Variants in NFATC3 observed in about 807,000 individuals in gnomAD.
The protein encoded by NFATC3 is nuclear factor of activated T cells 3, also known as nuclear factor of activated T-cells, cytoplasmic 3.
NFATC3 carries 46 observed loss-of-function variants against 98.6 expected under a neutral mutation model. The observed-to-expected ratio is 0.47, with a 90% CI of 0.37 to 0.60. The LOEUF (loss-of-function observed/expected upper bound fraction) is 0.60, where lower values mean the gene tolerates loss of function less well. Among genes scored for constraint, NFATC3 ranks in the 20% least tolerant of loss-of-function variants. NFATC3 has a pLI of 0.00. For synonymous variants in NFATC3, 512 were observed against 472.2 expected, an observed-to-expected ratio of 1.08 and a Z score of -1.09; for missense variants, 1,256 against 1,295.5, an observed-to-expected ratio of 0.97 and a Z score of 0.47.
At chr16:68,215,722 C>CTTTTTTTTTTTTTT (rs35024337) in intron 9 of NFATC3, among the ~76,000 whole-genome samples, 11 of 96,038 alleles carry the variant, frequency 1.1e-4, no homozygotes, top group Non-Finnish European at 1.6e-4. Context: ...GAGATTTGCA[C>CTTTTTTTTTTTTTT]TTTTTTTTTT....
chr16:68,143,992 T>C (rs2037898926), intron 3 of NFATC3, among the ~76,000 whole-genome samples: 1 of 151,844 alleles, frequency 6.6e-6, no homozygotes, highest in African/African-American at 2.4e-5. Flanking sequence ...AGAAAAAAAT[T>C]GATAAATTGG....
chr16:68,124,247 G>T (rs886894694), intron 2 of NFATC3, among the ~76,000 whole-genome samples: 5 of 151,752 alleles, frequency 3.3e-5, no homozygotes, highest in Non-Finnish European at 7.4e-5. Flanking sequence ...GACTATAGGC[G>T]TATACCACCA....
intron 4 of NFATC3, among the ~76,000 whole-genome samples, chr16:68,163,317 G>A (rs1239271652): frequency 2.6e-5 from 4 of 151,450 alleles, no homozygotes; most frequent in South Asian, 2.1e-4. Flanking sequence ...GGGGCGGCCG[G>A]GCAGAGGCGC....
rs778238077 is a variant in NFATC3, at chr16:68,191,305, T to G, written c.2636T>G (p.Leu879Arg). ...CATTCTGTGCATACCCTGCCTCATCTGCAATCAATGGGATATCATTGTTCA... is the reference window on the plus strand; with the variant it reads ...CATTCTGTGCATACCCTGCCTCATCGGCAATCAATGGGATATCATTGTTCA... ...TPHSVHTLPHLQSMGYHCSNT... is the reference protein window; with the variant it reads ...TPHSVHTLPHRQSMGYHCSNT... The change falls in exon 9 of 10, where the codon CTG becomes CGG. Residue 879 changes from leucine (L) to arginine (R), a missense_variant. This residue lies in a region of NFATC3 where 636 missense variants were observed against 617.3 expected (regional missense o/e 1.03). Transcript: ENST00000346183. 6.2e-7 allele frequency: 1 copy of G among 1,614,116 alleles called. No homozygotes were observed. The highest frequency in any genetic ancestry group is 8.5e-7 in the Non-Finnish European group (1 of 1,180,052).
At chr16:68,170,488 G>A (rs1189982847) in intron 5 of NFATC3, among the ~76,000 whole-genome samples, 4 of 149,618 alleles carry the variant, frequency 2.7e-5, no homozygotes, top group Admixed American at 6.7e-5. Flanking sequence ...ACCTTTTCTG[G>A]CTGTTCTTTT....
chr16:68,134,894 A>G (rs894371403), intron 3 of NFATC3, among the ~76,000 whole-genome samples: 4 of 152,210 alleles, frequency 2.6e-5, no homozygotes, highest in Non-Finnish European at 5.9e-5. Context: ...AGTGTCTGCC[A>G]CTTGCATGTT....
At chr16:68,153,302 G>C (rs1018311953) in intron 3 of NFATC3, among the ~76,000 whole-genome samples, 4 of 152,162 alleles carry the variant, frequency 2.6e-5, no homozygotes, top group African/African-American at 7.2e-5. Context: ...CACACCTGTA[G>C]TCCCAGCTAC....
At chr16:68,206,408 C>G (rs887635023) in intron 9 of NFATC3, among the ~76,000 whole-genome samples, 6 of 152,162 alleles carry the variant, frequency 3.9e-5, no homozygotes, top group Non-Finnish European at 7.3e-5. Flanking sequence ...TCCTTCCCGT[C>G]CTCCCAGCCC....
intron 5 of NFATC3, among the ~76,000 whole-genome samples, chr16:68,168,471 TTTA>T (rs141377197): frequency 0.17 from 24,646 of 147,812 alleles, 2,248 homozygotes; most frequent in African/African-American, 0.23. Context: ...CTTGTATTCT[TTTA>T]TTATTATTAT....
chr16:68,100,667 T>C (rs2035294649), intron 1 of NFATC3, among the ~76,000 whole-genome samples: 1 of 151,854 alleles, frequency 6.6e-6, no homozygotes, highest in African/African-American at 2.4e-5. Flanking sequence ...TTTCTCTGCA[T>C]CTTGGGCAGC....
At chr16:68,223,972 C>T (rs926100034) in intron 9 of NFATC3, among the ~76,000 whole-genome samples, 1 of 150,456 alleles carries the variant, frequency 6.6e-6, no homozygotes, top group African/African-American at 2.4e-5. Context: ...ACTGGCCAGG[C>T]GCGGGGGCTC....
intron 9 of NFATC3, among the ~76,000 whole-genome samples, chr16:68,202,394 A>G (rs1264023455): frequency 1.3e-5 from 2 of 152,176 alleles, no homozygotes; most frequent in Non-Finnish European, 2.9e-5. Context: ...GATAAACACA[A>G]CATTCAGGTG....
chr16:68,101,249 T>C lies in NFATC3; in HGVS notation c.103+15465T>C, dbSNP rs2035338959. Reference sequence around the variant, plus strand: ...CATCAACCTCCTGGGCTCAAGCTATTCCTCCTGCCTGAGCCTCTGTAATAG... The same window carrying C: ...CATCAACCTCCTGGGCTCAAGCTATCCCTCCTGCCTGAGCCTCTGTAATAG... On this transcript the variant is annotated intron_variant, in intron 1 of 9. Coordinates refer to ENST00000346183, the MANE Select transcript of NFATC3 (RefSeq NM_173165.3). Among the ~76,000 whole-genome samples, 4 of 151,788 alleles carry C rather than the reference T, an allele frequency of 2.6e-5. No homozygotes were observed. In the South Asian group the frequency reaches 8.3e-4, roughly 32 times the overall value.
intron 1 of NFATC3, among the ~76,000 whole-genome samples, chr16:68,104,909 C>A (rs1260677826): frequency 6.6e-6 from 1 of 152,048 alleles, no homozygotes; most frequent in African/African-American, 2.4e-5. Context: ...CCCTCTTGGC[C>A]TCCCAAAATG....
At chr16:68,209,709 G>A (rs2041294267) in intron 9 of NFATC3, 1 of 460,924 alleles carries the variant, frequency 2.2e-6, no homozygotes, top group Non-Finnish European at 4.3e-6. Context: ...AGGGGGAATG[G>A]TTAGGTCTCT....
chr16:68,213,381 C>T (rs1404291001), intron 9 of NFATC3, among the ~76,000 whole-genome samples: 3 of 150,538 alleles, frequency 2.0e-5, no homozygotes, highest in Non-Finnish European at 4.4e-5. Flanking sequence ...TGCCACTGCA[C>T]TCCAGCCTGG....
intron 9 of NFATC3, among the ~76,000 whole-genome samples, chr16:68,193,850 A>G (rs1014765402): frequency 2.0e-5 from 3 of 152,030 alleles, no homozygotes; most frequent in African/African-American, 7.3e-5. Flanking sequence ...CAAGTCAGAT[A>G]ACACAGCAGA....
chr16:68,208,416 T>C (rs1039711638), intron 9 of NFATC3, among the ~76,000 whole-genome samples: 3 of 152,176 alleles, frequency 2.0e-5, no homozygotes, highest in African/African-American at 7.2e-5. Context: ...GTAAATAGAA[T>C]TGTTTTTCTT....
intron 1 of NFATC3, among the ~76,000 whole-genome samples, chr16:68,114,484 G>A (rs966272663): frequency 6.6e-6 from 1 of 151,840 alleles, no homozygotes; most frequent in Non-Finnish European, 1.5e-5. Context: ...TAATTGTTTA[G>A]TCACTTTAAA....
Sources: gnomAD v4.1 joint callset for allele counts (sites outside exome capture counted in the v4.1 genomes callset) on GRCh38, gnomAD v4.1.1 for gene constraint, gnomAD v4.1.1 regional missense constraint, MANE v1.5 for transcripts, NCBI Gene and HGNC (gene_info 2026-07-23, HGNC 2026-07-21) for gene names.